The following DMXL1 variants were observed in gnomAD, a reference collection of about 807,000 sequenced individuals.
The protein encoded by DMXL1 is Dmx like 1, also known as dmX-like protein 1.
Under a neutral mutation model 319.2 loss-of-function variants are expected in DMXL1, and 99 were observed. The ratio of observed to expected loss-of-function variants is 0.31; its 90% CI spans 0.26 to 0.37. The LOEUF is 0.37. Among genes scored for constraint, DMXL1 ranks in the 10% least tolerant of loss-of-function variants. The pLI, the probability that DMXL1 is intolerant of heterozygous loss-of-function variation, is 1.00. For synonymous variants in DMXL1, 1,385 were observed against 1,235.2 expected, an observed-to-expected ratio of 1.12 and a Z score of -2.54; for missense variants, 3,745 against 3,595.6, an observed-to-expected ratio of 1.04 and a Z score of -1.06.
intron 31 of DMXL1, 59 bp downstream of exon 31, chr5:119,196,515 G>GTTTTTTTTTTTTTTTTTTTTTTTTTTT: frequency 1.8e-6 from 1 of 559,966 alleles, no homozygotes; most frequent in Non-Finnish European, 2.9e-6. Flanking sequence ...CTACTCTGTT[G>GTTTTTTTTTTTTTTTTTTTTTTTTTTT]TTTTTTTTTT....
chr5:119,206,961 A>C (rs143748080), intron 34 of DMXL1, 65 bp downstream of exon 34: 2 of 991,396 alleles, frequency 2.0e-6, no homozygotes, highest in South Asian at 3.0e-5. Flanking sequence ...AAGCATTTGC[A>C]TTTTACTTTT....
chr5:119,083,151 C>T (rs927288548), intron 1 of DMXL1, among the ~76,000 whole-genome samples: 3 of 151,980 alleles, frequency 2.0e-5, no homozygotes, highest in African/African-American at 7.3e-5. Flanking sequence ...GCTGTGATTA[C>T]AGGCATGTGT....
At chr5:119,101,327 C>T (rs1757231142) in intron 2 of DMXL1, among the ~76,000 whole-genome samples, 1 of 151,950 alleles carries the variant, frequency 6.6e-6, no homozygotes, top group East Asian at 1.9e-4. Flanking sequence ...ATCCCTGATT[C>T]ATTCATTTAA....
Position 119,082,063 on chromosome 5 carries a change from G to A in DMXL1, c.87+10407G>A, listed in dbSNP as rs1011104134. The stretch of plus-strand genomic sequence containing the variant: ...CACACACACACACACACACATACAC[G>A]TATATACATGTTCTTAGAATGTTTT... On this transcript the variant is annotated intron_variant, in intron 1 of 43. Coordinates refer to ENST00000539542, the MANE Select transcript of DMXL1 (RefSeq NM_001290321.3). Among the ~76,000 whole-genome samples, 277 of 117,926 alleles carry A rather than the reference G, an allele frequency of 2.3e-3. 1 individual carries two copies. The highest frequency in any genetic ancestry group is 7.0e-3 in the African/African-American group (242 of 34,584). The allele number at this position is 117,926 out of a possible 152,430, so 77.4% of individuals were successfully genotyped here.
chr5:119,096,095 C>T (rs945131943), intron 1 of DMXL1, among the ~76,000 whole-genome samples: 1 of 151,896 alleles, frequency 6.6e-6, no homozygotes, highest in African/African-American at 2.4e-5. Flanking sequence ...TATGTTCTCT[C>T]AAGTCCCATT....
intron 34 of DMXL1, among the ~76,000 whole-genome samples, chr5:119,211,804 G>T (rs1782849270): frequency 6.6e-6 from 1 of 152,128 alleles, no homozygotes; most frequent in Non-Finnish European, 1.5e-5. Flanking sequence ...ACTACCCAGG[G>T]TCTCAGTCAC....
In DMXL1 at chr5:119,120,571, A is replaced by T. The variant is rs192981773; in HGVS notation, c.934-400A>T. On this transcript the variant is annotated intron_variant, in intron 8 of 43. Coordinates refer to ENST00000539542, the MANE Select transcript of DMXL1 (RefSeq NM_001290321.3). ...ATGTTCCATGTGCAGTGGTAATATTATTTAATACTGTGTGGTCACAAGGAG... is the reference window on the plus strand; with the variant it reads ...ATGTTCCATGTGCAGTGGTAATATTTTTTAATACTGTGTGGTCACAAGGAG... 1.8e-4 allele frequency among the ~76,000 whole-genome samples: 28 copies of T among 152,376 alleles called. No individual in the cohort carries two copies. In the East Asian group the frequency reaches 5.4e-3, roughly 29 times the overall value.
chr5:119,113,283 C>T (rs1204191594), intron 5 of DMXL1, among the ~76,000 whole-genome samples: 1 of 152,158 alleles, frequency 6.6e-6, no homozygotes, highest in African/African-American at 2.4e-5. Flanking sequence ...TGCTCTGTCA[C>T]CCAGGCTGAG....
intron 34 of DMXL1, among the ~76,000 whole-genome samples, chr5:119,215,395 C>G (rs565767311): frequency 6.6e-6 from 1 of 152,196 alleles, no homozygotes; most frequent in Non-Finnish European, 1.5e-5. Context: ...GCAGTCTCTG[C>G]CTCCTGGGTT....
intron 38 of DMXL1, among the ~76,000 whole-genome samples, chr5:119,225,377 G>A (rs193242337): frequency 1.3e-5 from 2 of 151,956 alleles, no homozygotes; most frequent in African/African-American, 4.8e-5. Flanking sequence ...TTAATTAATG[G>A]GGAATTTATT....
intron 38 of DMXL1, among the ~76,000 whole-genome samples, chr5:119,225,943 A>T (rs1039046564): frequency 6.6e-6 from 1 of 152,162 alleles, no homozygotes; most frequent in Non-Finnish European, 1.5e-5. Flanking sequence ...CTACATCAGG[A>T]AATACTTGAT....
intron 15 of DMXL1, 54 bp downstream of exon 15, chr5:119,144,692 G>C (rs1326747247): frequency 1.8e-6 from 2 of 1,124,580 alleles, no homozygotes; most frequent in African/African-American, 1.6e-5. Flanking sequence ...ATGTTAGGCA[G>C]TTAATAAAGA....
Position 119,129,281 on chromosome 5 carries a change from T to C in DMXL1, c.1173T>C (p.Val391=), listed in dbSNP as rs768756835. 3.7e-6 allele frequency: 6 copies of C among 1,613,812 alleles called. No individual in the cohort carries two copies. In the East Asian group the frequency reaches 1.1e-4, roughly 30 times the overall value. ...NENEEKTGPF[V]VHWLNNKELH... ...ATGAAGAGAAGACCGGACCTTTTGT[T>C]GTACACTGGCTAAACAATAAAGAAC... Residue 391 remains valine (V), a synonymous_variant, in exon 10 of 44, where the codon GTT becomes GTC. Transcript: ENST00000539542.
At chr5:119,113,692 T>C (rs1252253184) in intron 5 of DMXL1, among the ~76,000 whole-genome samples, 2 of 152,216 alleles carry the variant, frequency 1.3e-5, no homozygotes, top group African/African-American at 4.8e-5. Flanking sequence ...GAGGAAAGGA[T>C]GTGGTGGTAC....
chr5:119,077,039 A>T (rs1751030411), intron 1 of DMXL1, among the ~76,000 whole-genome samples: 1 of 152,248 alleles, frequency 6.6e-6, no homozygotes. Context: ...AAATAAAAAG[A>T]GATGGGGGTC....
At position 119,192,881 on chromosome 5, in the gene DMXL1, G is replaced by A. The variant is rs185184824; in HGVS notation, c.7315-947G>A. Among the ~76,000 whole-genome samples, 3 of 152,026 alleles carry A rather than the reference G, an allele frequency of 2.0e-5. No homozygotes were observed. In the East Asian group the frequency reaches 5.8e-4, roughly 29 times the overall value. ...CCCAGTCTTTCCATTTTATGAAATTGTATATTCACCCTTATAGTTGCTCAG... is the reference window on the plus strand; with the variant it reads ...CCCAGTCTTTCCATTTTATGAAATTATATATTCACCCTTATAGTTGCTCAG... On this transcript the variant is annotated intron_variant, in intron 29 of 43. Transcript: ENST00000539542.
Position 119,164,610 on chromosome 5 carries a change from A to G in DMXL1, c.4806A>G (p.Glu1602=). The part of the protein sequence containing the change: ...AMQKDDPTWS[E]LRAMGVGWWV... ...AGAAAGATGATCCCACTTGGTCTGAACTAAGAGCTATGGGTGTGGGGTGGT... is the reference window on the plus strand; with the variant it reads ...AGAAAGATGATCCCACTTGGTCTGAGCTAAGAGCTATGGGTGTGGGGTGGT... Residue 1602 remains glutamate (E), a synonymous_variant, in exon 20 of 44, where the codon GAA becomes GAG. Coordinates refer to ENST00000539542, the MANE Select transcript of DMXL1 (RefSeq NM_001290321.3). 1 of 1,614,100 alleles carries G rather than the reference A, an allele frequency of 6.2e-7. No homozygotes were observed. Among genetic ancestry groups the G allele is most frequent in the Non-Finnish European group, 8.5e-7 (1 of 1,179,964 alleles).
intron 28 of DMXL1, among the ~76,000 whole-genome samples, chr5:119,187,872 A>C (rs902382748): frequency 1.3e-5 from 2 of 152,184 alleles, no homozygotes; most frequent in African/African-American, 2.4e-5. Flanking sequence ...CATGTTGGCC[A>C]GGCTGGATCC....
At chr5:119,156,706 A>G (rs1387438076) in intron 19 of DMXL1, among the ~76,000 whole-genome samples, 1 of 151,466 alleles carries the variant, frequency 6.6e-6, no homozygotes, top group East Asian at 1.9e-4. Context: ...TCTTTTAATA[A>G]AACATTGTCC....
Sources: allele counts gnomAD v4.1 joint callset (sites outside exome capture counted in the v4.1 genomes callset), GRCh38; gene constraint gnomAD v4.1.1; transcripts MANE v1.5; gene names NCBI Gene and HGNC (gene_info 2026-07-23, HGNC 2026-07-21).